The following CHD7 variants were observed in gnomAD, a reference collection of about 807,000 sequenced individuals.
CHD7 encodes the protein ATP-dependent chromatin remodeler CHD7.
In CHD7, 24 loss-of-function variants were observed where a neutral mutation model predicts 307.3. The ratio of observed to expected loss-of-function variants is 0.08; its 90% confidence interval spans 0.06 to 0.11. The LOEUF (loss-of-function observed/expected upper bound fraction) is 0.11. Ranked by LOEUF, CHD7 falls within the 10% of genes least tolerant of loss-of-function variation. CHD7 has a pLI of 1.00. For synonymous variants in CHD7, 1,363 were observed against 1,349.9 expected (o/e 1.01, Z -0.21); for missense variants, 3,106 against 3,727.1 (o/e 0.83, Z 4.34).
intron 14 of CHD7, among the ~76,000 whole-genome samples, chr8:60,829,143 G>GT (rs1804386369): frequency 1.3e-5 from 2 of 152,178 alleles, no homozygotes; most frequent in Non-Finnish European, 2.9e-5. Flanking sequence ...ACTGACGTTG[G>GT]TAGGCCTGTT....
chr8:60,810,689 C>T (rs1812759356), intron 7 of CHD7, among the ~76,000 whole-genome samples: 1 of 152,010 alleles, frequency 6.6e-6, no homozygotes, highest in Non-Finnish European at 1.5e-5. Context: ...ACAAAGAAGC[C>T]TATATTTGGT....
chr8:60,855,875 T>TA, intron 32 of CHD7, 100 bp from the exon 33 acceptor site: 1 of 778,306 alleles, frequency 1.3e-6, no homozygotes, highest in East Asian at 2.7e-5. Context: ...AGTTGACTTT[T>TA]AAACATTTTA....
intron 15 of CHD7, 136 bp downstream of exon 15, chr8:60,830,713 T>A: frequency 1.1e-6 from 1 of 949,862 alleles, no homozygotes; most frequent in Non-Finnish European, 1.5e-6. Context: ...TTCACCAGCT[T>A]CCCACTTTCT....
chr8:60,838,012 G>T, intron 18 of CHD7, 64 bp from the exon 19 acceptor site: 1 of 1,326,932 alleles, frequency 7.5e-7, no homozygotes, highest in Non-Finnish European at 1.0e-6. Flanking sequence ...TGCAGCATTT[G>T]TTTAGTCTGC....
chr8:60,714,861 T>G (rs893938067), intron 1 of CHD7, among the ~76,000 whole-genome samples: 1 of 152,246 alleles, frequency 6.6e-6, no homozygotes, highest in African/African-American at 2.4e-5. Flanking sequence ...GGGATGGTAA[T>G]GCCTGTTGCT....
At position 60,848,608 on chromosome 8, in the gene CHD7, AGT is replaced by A; in HGVS notation, c.5300+6_5300+7del. On this transcript the variant is annotated splice_donor_5th_base_variant and intron_variant, in intron 24 of 37. Coordinates refer to ENST00000423902, the MANE Select transcript of CHD7 (RefSeq NM_017780.4). The stretch of plus-strand genomic sequence containing the variant: ...TCTTAGAGGGTGCTGACTCAAGGTT[AGT>A]GCGAGCTCACATTTGTTCTCAACCT... The A allele has an allele frequency of 6.2e-7, 1 of 1,609,420 alleles. No homozygotes were observed. Among genetic ancestry groups the A allele is most frequent in the South Asian group, 1.1e-5 (1 of 90,614 alleles).
chr8:60,795,660 G>C (rs1045037234), intron 4 of CHD7, among the ~76,000 whole-genome samples: 2 of 152,182 alleles, frequency 1.3e-5, no homozygotes, highest in Non-Finnish European at 2.9e-5. Context: ...CAACTCTGCA[G>C]AATATTCTCC....
intron 2 of CHD7, among the ~76,000 whole-genome samples, chr8:60,746,855 G>A (rs1046945820): frequency 6.6e-6 from 1 of 152,022 alleles, no homozygotes; most frequent in East Asian, 1.9e-4. Flanking sequence ...TAGACTTTTC[G>A]ATTATTTGAT....
chr8:60,703,163 T>TA (rs1192972586), intron 1 of CHD7, among the ~76,000 whole-genome samples: 2 of 152,330 alleles, frequency 1.3e-5, no homozygotes, highest in South Asian at 4.1e-4. Context: ...TCCTTTTTCT[T>TA]ATTGTGGTAA....
At chr8:60,729,826 TTGA>T (rs1326645965) in intron 1 of CHD7, among the ~76,000 whole-genome samples, 3 of 152,262 alleles carry the variant, frequency 2.0e-5, no homozygotes, top group Non-Finnish European at 4.4e-5. Context: ...CATGTACTTA[TTGA>T]TCTGTGATCA....
chr8:60,824,101 G>GT, intron 13 of CHD7, 85 bp downstream of exon 13: 1 of 1,152,474 alleles, frequency 8.7e-7, no homozygotes, highest in Middle Eastern at 2.1e-4. Context: ...TTTGATGCCT[G>GT]TAAACAGTAT....
intron 2 of CHD7, among the ~76,000 whole-genome samples, chr8:60,762,733 G>A (rs1810277105): frequency 6.6e-6 from 1 of 152,160 alleles, no homozygotes; most frequent in African/African-American, 2.4e-5. Context: ...AGTTGAGTGA[G>A]GTCAGGGTTC....
chr8:60,852,298 C>A lies in CHD7; in HGVS notation c.5894+51C>A, dbSNP rs146451079. 2.3e-4 allele frequency: 357 copies of A among 1,519,658 alleles called. 1 individual carries two copies. The African/African-American group carries it at 4.1e-3, about 17-fold the overall frequency. The allele number at this position is 1,519,658 out of a possible 1,614,324, so 94.1% of individuals were successfully genotyped here. A position where few individuals can be genotyped will look rare whatever the true frequency, so the allele number is the denominator to read the frequency against. ...AGCTCCCGGTACATGCCCCTCTGCC[C>A]TGCTCCTGTAGACCCACAAGAGACA... On this transcript the variant is annotated intron_variant, in intron 29 of 37. Transcript: ENST00000423902.
At chr8:60,775,933 A>T (rs971880183) in intron 2 of CHD7, among the ~76,000 whole-genome samples, 7 of 151,768 alleles carry the variant, frequency 4.6e-5, no homozygotes, top group African/African-American at 1.7e-4. Context: ...AATTTTTTGT[A>T]TTTTTTAGTA....
rs1307698059 is a variant in CHD7, at chr8:60,816,309, G to C, written c.2499-78G>C. 5 of 814,424 alleles carry C rather than the reference G, an allele frequency of 6.1e-6. No homozygotes were observed. In the African/African-American group the frequency reaches 8.8e-5, roughly 14 times the overall value. 50.4% of individuals were successfully genotyped at this position (814,424 alleles called of 1,614,324 possible). A position where few individuals can be genotyped will look rare whatever the true frequency, so the allele number is the denominator to read the frequency against. On this transcript the variant is annotated intron_variant, in intron 7 of 37. Transcript: ENST00000423902. ...GCAGGTTATTTTAATTATCTGTGTA[G>C]TTGACTTTTTTGAATAAGACATAAT...
At chr8:60,810,382 T>A (rs11775146) in intron 7 of CHD7, among the ~76,000 whole-genome samples, 19,379 of 109,120 alleles carry the variant, frequency 0.18, 1,470 homozygotes, top group Middle Eastern at 0.24. Context: ...AGAGAGAGAG[T>A]GTGTGTGTGT....
intron 6 of CHD7, among the ~76,000 whole-genome samples, chr8:60,803,410 T>G (rs111819715): frequency 2.6e-5 from 4 of 152,332 alleles, no homozygotes; most frequent in African/African-American, 9.6e-5. Flanking sequence ...GGTTTTTGTC[T>G]TCTTTTCCTC....
intron 1 of CHD7, among the ~76,000 whole-genome samples, chr8:60,712,743 C>T (rs1175633828): frequency 6.6e-6 from 1 of 150,806 alleles, no homozygotes; most frequent in East Asian, 1.9e-4. Context: ...ATGGTGAAAC[C>T]CCATCTCTAC....
At chr8:60,762,186 C>T (rs1472815297) in intron 2 of CHD7, among the ~76,000 whole-genome samples, 2 of 152,200 alleles carry the variant, frequency 1.3e-5, no homozygotes, top group African/African-American at 2.4e-5. Context: ...ACAAAAGCCC[C>T]ATCTTCCTCT....
Sources: allele counts gnomAD v4.1 joint callset (sites outside exome capture counted in the v4.1 genomes callset), GRCh38; gene constraint gnomAD v4.1.1; transcripts MANE v1.5; gene names NCBI Gene and HGNC (gene_info 2026-07-23, HGNC 2026-07-21).